The following TIAM1 variants were observed in gnomAD, a reference collection of about 807,000 sequenced individuals.
TIAM1 encodes the protein TIAM Rac1 associated GEF 1, also known as rho guanine nucleotide exchange factor TIAM1.
Under a neutral mutation model 163.5 loss-of-function variants are expected in TIAM1, and 65 were observed. The ratio of observed to expected loss-of-function variants is 0.40; its 90% CI spans 0.33 to 0.49. The LOEUF (loss-of-function observed/expected upper bound fraction) is 0.49, where lower values mean the gene tolerates loss of function less well. Among genes scored for constraint, TIAM1 ranks in the 20% least tolerant of loss-of-function variants. The pLI is 0.77. For synonymous variants in TIAM1, 833 were observed against 810.1 expected, an observed-to-expected ratio of 1.03 and a Z score of -0.48; for missense variants, 1,789 against 2,044.7, an observed-to-expected ratio of 0.87 and a Z score of 2.41.
intron 14 of TIAM1, 72 bp from the exon 15 acceptor site, chr21:31,182,717 A>T: frequency 6.8e-7 from 1 of 1,475,082 alleles, no homozygotes; most frequent in Non-Finnish European, 9.2e-7. Flanking sequence ...GAGCTCTGCT[A>T]TAAAGGGCAC....
At chr21:31,129,226 T>C (rs1282204306) in intron 25 of TIAM1, among the ~76,000 whole-genome samples, 1 of 152,214 alleles carries the variant, frequency 6.6e-6, no homozygotes, top group East Asian at 1.9e-4. Context: ...GGCTTCAAAT[T>C]AGGCCCAGGA....
chr21:31,136,297 G>C (rs1262598637), intron 22 of TIAM1, among the ~76,000 whole-genome samples: 1 of 151,982 alleles, frequency 6.6e-6, no homozygotes, highest in African/African-American at 2.4e-5. Flanking sequence ...ATGTTTTTGA[G>C]AAAAGAAATC....
intron 13 of TIAM1, among the ~76,000 whole-genome samples, chr21:31,189,044 CTTTTTTTTTTTTTTT>C (rs58786753): frequency 2.0e-4 from 14 of 70,070 alleles, no homozygotes; most frequent in South Asian, 8.2e-4. Flanking sequence ...TCCATTCCCT[CTTTTTTTTTTTTTTT>C]TTTTTTTTTT....
intron 4 of TIAM1, among the ~76,000 whole-genome samples, chr21:31,256,630 T>TACACACACACACAC (rs1569115880): frequency 1.3e-5 from 2 of 148,938 alleles, no homozygotes; most frequent in East Asian, 4.0e-4. Flanking sequence ...CACACACACG[T>TACACACACACACAC]ATATTATCTT....
chr21:31,526,734 C>T (rs188204363), intron 1 of TIAM1, among the ~76,000 whole-genome samples: 2 of 152,146 alleles, frequency 1.3e-5, no homozygotes, highest in Non-Finnish European at 2.9e-5. Context: ...CAGAGTCTCC[C>T]TATGTCACCC....
intron 1 of TIAM1, among the ~76,000 whole-genome samples, chr21:31,528,977 A>G (rs1228463563): frequency 2.1e-5 from 3 of 144,810 alleles, no homozygotes; most frequent in Non-Finnish European, 4.5e-5. Flanking sequence ...GCTGGAGTGC[A>G]GTGGCGCGAT....
At position 31,442,064 on chromosome 21, in the gene TIAM1, T is replaced by TAAAAAAAA. The variant is rs1250832519; in HGVS notation, c.-369+21918_-369+21919insTTTTTTTT. On this transcript the variant is annotated intron_variant, in intron 2 of 28. Transcript: ENST00000286827. Reference sequence around the variant, plus strand: ...AAATGAGACCCTATCTCAGAACAAATAAATAAATATATATATATATATAGA... The same window carrying TAAAAAAAA: ...AAATGAGACCCTATCTCAGAACAAATAAAAAAAAAAATAAATATATATATATATATAGA... 2.4e-3 allele frequency among the ~76,000 whole-genome samples: 199 copies of TAAAAAAAA among 84,672 alleles called. 7 individuals carry two copies. Among genetic ancestry groups the TAAAAAAAA allele is most frequent in the African/African-American group, 9.8e-3 (192 of 19,664 alleles). The allele number at this position is 84,672 out of a possible 152,430, so 55.5% of individuals were successfully genotyped here. A position where few individuals can be genotyped will look rare whatever the true frequency, so the allele number is the denominator to read the frequency against.
intron 2 of TIAM1, among the ~76,000 whole-genome samples, chr21:31,353,085 C>T (rs184307578): frequency 8.8e-4 from 134 of 152,218 alleles, no homozygotes; most frequent in East Asian, 1.9e-4. Context: ...AAACAAGGCA[C>T]ACCCTTGCAC....
At chr21:31,173,015 C>T (rs1005605823) in intron 15 of TIAM1, among the ~76,000 whole-genome samples, 3 of 152,162 alleles carry the variant, frequency 2.0e-5, no homozygotes, top group Admixed American at 6.5e-5. Flanking sequence ...ACCTCTGACG[C>T]ACCATCAACA....
chr21:31,281,527 G>A (rs1158610298), intron 2 of TIAM1, among the ~76,000 whole-genome samples: 1 of 152,190 alleles, frequency 6.6e-6, no homozygotes, highest in Non-Finnish European at 1.5e-5. Flanking sequence ...CTTAAACAGT[G>A]GGGGCAGAAG....
At position 31,433,569 on chromosome 21, in the gene TIAM1, C is replaced by T. The variant is rs12482336; in HGVS notation, c.-369+30414G>A. Among the ~76,000 whole-genome samples the T allele has an allele frequency of 6.6e-3, 1,002 of 152,214 alleles. 12 individuals carry two copies. Among genetic ancestry groups the T allele is most frequent in the African/African-American group, 0.02 (841 of 41,536 alleles). ...GAAACTCAAATCATTCCTTTTAGAA[C>T]AATTTCTCAGAATATAAGAAGAAAA... is the stretch of plus-strand genomic sequence containing the variant. On this transcript the variant is annotated intron_variant, in intron 2 of 28. Transcript: ENST00000286827.
At chr21:31,436,404 A>C (rs2044209898) in intron 2 of TIAM1, among the ~76,000 whole-genome samples, 1 of 152,156 alleles carries the variant, frequency 6.6e-6, no homozygotes, top group South Asian at 2.1e-4. Context: ...TTGGGAGACT[A>C]AGGCAGGCAG....
intron 2 of TIAM1, among the ~76,000 whole-genome samples, chr21:31,396,923 T>C (rs2077082650): frequency 2.6e-5 from 4 of 152,138 alleles, no homozygotes. Context: ...CACTCCAGCC[T>C]GGGCGACAGA....
chr21:31,524,278 G>A (rs1465729542), intron 1 of TIAM1, among the ~76,000 whole-genome samples: 1 of 152,158 alleles, frequency 6.6e-6, no homozygotes, highest in African/African-American at 2.4e-5. Context: ...GGTGAAGTGG[G>A]GGTAGGAGTC....
chr21:31,415,889 C>T (rs1337200038), intron 2 of TIAM1, among the ~76,000 whole-genome samples: 1 of 152,090 alleles, frequency 6.6e-6, no homozygotes, highest in Non-Finnish European at 1.5e-5. Context: ...CCAGGTCAAG[C>T]TCATCTTTAT....
chr21:31,197,407 G>A lies in TIAM1; in HGVS notation c.2494-2102C>T, dbSNP rs111271421. 2.2e-3 allele frequency among the ~76,000 whole-genome samples: 325 copies of A among 145,474 alleles called. 3 individuals are homozygous for A. The highest frequency in any genetic ancestry group is 7.8e-3 in the African/African-American group (305 of 38,938). The stretch of plus-strand genomic sequence containing the variant: ...TTTTTTTTTTTTGAGACGGAGTCTC[G>A]CTCTGTCGCCCAGGCTGGAGTGCAG... On this transcript the variant is annotated intron_variant, in intron 12 of 27. Transcript: ENST00000541036.
intron 1 of TIAM1, among the ~76,000 whole-genome samples, chr21:31,475,932 G>A (rs2045922910): frequency 6.6e-6 from 1 of 152,198 alleles, no homozygotes; most frequent in South Asian, 2.1e-4. Context: ...GAAGGATAAA[G>A]AGTGTAGATA....
intron 22 of TIAM1, among the ~76,000 whole-genome samples, chr21:31,136,466 G>C (rs1306187625): frequency 1.3e-5 from 2 of 148,526 alleles, no homozygotes; most frequent in Non-Finnish European, 3.0e-5. Flanking sequence ...GTTTGAGCTA[G>C]GAACAATACA....
chr21:31,173,406 T>C (rs1271950948), intron 15 of TIAM1, among the ~76,000 whole-genome samples: 1 of 152,152 alleles, frequency 6.6e-6, no homozygotes, highest in Non-Finnish European at 1.5e-5. Context: ...TATTTTGCGT[T>C]TCAGTCATTT....
Sources: gnomAD v4.1 joint callset for allele counts (sites outside exome capture counted in the v4.1 genomes callset) on GRCh38, gnomAD v4.1.1 for gene constraint, MANE v1.5 for transcripts, NCBI Gene and HGNC (gene_info 2026-07-23, HGNC 2026-07-21) for gene names.